SEC61A1: variants seen among roughly 807,000 people sequenced by gnomAD.
SEC61A1 encodes the protein protein transport protein Sec61 subunit alpha isoform 1.
In SEC61A1, 15 loss-of-function variants were observed where a neutral mutation model predicts 55.2. That is an observed-to-expected ratio of 0.27 (90% CI 0.18 to 0.42). SEC61A1 has a LOEUF of 0.42. SEC61A1 is among the 10% of genes least tolerant of loss of function. The pLI, the probability that SEC61A1 is intolerant of heterozygous loss-of-function variation, is 1.00. For missense variants in SEC61A1, 284 were observed against 602.6 expected, an observed-to-expected ratio of 0.47 and a Z score of 5.53; for synonymous variants, 247 against 234.0, an observed-to-expected ratio of 1.06 and a Z score of -0.51.
intron 4 of SEC61A1, among the ~76,000 whole-genome samples, chr3:128,056,341 G>C (rs1941770076): frequency 6.6e-6 from 1 of 152,080 alleles, no homozygotes; most frequent in South Asian, 2.1e-4. Context: ...AATTGTACAG[G>C]CTCCTTTTCC....
intron 5 of SEC61A1, among the ~76,000 whole-genome samples, chr3:128,058,165 A>C (rs539791968): frequency 6.7e-6 from 1 of 149,764 alleles, no homozygotes; most frequent in East Asian, 2.0e-4. Flanking sequence ...CAGGTCTTAA[A>C]TTAGTATGGT....
upstream of SEC61A1, chr3:128,052,296 G>A (rs927465321): frequency 1.0e-5 from 3 of 287,868 alleles, no homozygotes; most frequent in Admixed American, 1.2e-4. Flanking sequence ...GCATGCCGGG[G>A]CTTGAGGTCT....
chr3:128,057,344 C>G (rs1040772836), intron 5 of SEC61A1, among the ~76,000 whole-genome samples: 1 of 152,150 alleles, frequency 6.6e-6, no homozygotes, highest in South Asian at 2.1e-4. Context: ...GTGGTGGGTG[C>G]TGGGGATGGG....
rs1349917661 is a variant in SEC61A1 at position 128,069,868 on chromosome 3, G to GT, written c.*207dup. The GT allele has an allele frequency of 1.8e-6, 1 of 567,980 alleles. No individual in the cohort carries two copies. The highest frequency in any genetic ancestry group is 3.1e-6 in the Non-Finnish European group (1 of 322,140). The allele number at this position is 567,980 out of a possible 1,614,324, so 35.2% of individuals were successfully genotyped here. A position where few individuals can be genotyped will look rare whatever the true frequency, so the allele number is the denominator to read the frequency against. On this transcript the variant is annotated 3_prime_UTR_variant, in exon 12 of 12. Coordinates refer to ENST00000243253, the MANE Select transcript of SEC61A1 (RefSeq NM_013336.4). ...GGCACTGGCAAAAAGAACTGTGAAA[G>GT]TGAAATTTTATTCAGCCGACTGCCA...
intron 1 of SEC61A1, 76 bp downstream of exon 1, chr3:128,052,635 C>T: frequency 1.9e-6 from 3 of 1,552,968 alleles, no homozygotes; most frequent in Admixed American, 2.0e-5. Flanking sequence ...CGGTCGGGCG[C>T]CCGCCGGCCA....
At chr3:128,061,681 G>A (rs1289049415) in intron 7 of SEC61A1, among the ~76,000 whole-genome samples, 1 of 152,212 alleles carries the variant, frequency 6.6e-6, no homozygotes, top group Admixed American at 6.5e-5. Flanking sequence ...GCTTCCTTGA[G>A]TACTTTGTAT....
chr3:128,058,565 A>T (rs1941807636), intron 5 of SEC61A1, among the ~76,000 whole-genome samples: 1 of 152,176 alleles, frequency 6.6e-6, no homozygotes, highest in Non-Finnish European at 1.5e-5. Flanking sequence ...TTAGGATTCT[A>T]AAATACACAC....
chr3:128,069,832 C>A lies in SEC61A1; in HGVS notation c.*170C>A. Reference sequence around the variant, plus strand: ...AGACATTTTCCAATTTAAAATTTTGCTTTTTATCCTGGCACTGGCAAAAAG... The same window carrying A: ...AGACATTTTCCAATTTAAAATTTTGATTTTTATCCTGGCACTGGCAAAAAG... On this transcript the variant is annotated 3_prime_UTR_variant, in exon 12 of 12. Coordinates refer to ENST00000243253, the MANE Select transcript of SEC61A1 (RefSeq NM_013336.4). 1.5e-6 allele frequency: 1 copy of A among 662,228 alleles called. No homozygotes were observed. The highest frequency in any genetic ancestry group is 2.5e-6 in the Non-Finnish European group (1 of 401,884). The allele number at this position is 662,228 out of a possible 1,614,324, so 41.0% of individuals were successfully genotyped here.
In SEC61A1 at chr3:128,060,643, A is replaced by G; in HGVS notation, c.598A>G (p.Thr200Ala). The G allele has an allele frequency of 6.2e-7, 1 of 1,614,144 alleles. No homozygotes were observed. The highest frequency in any genetic ancestry group is 8.5e-7 in the Non-Finnish European group (1 of 1,180,036). Reference sequence around the variant, plus strand: ...CGTATGGAAGGCATTCAGCCCCACTACTGTCAACACTGGCCGAGGTAAGGG... The same window carrying G: ...CGTATGGAAGGCATTCAGCCCCACTGCTGTCAACACTGGCCGAGGTAAGGG... ...TIVWKAFSPT[T>A]VNTGRGMEFE... is the part of the protein sequence containing the mutation. Residue 200 changes from threonine (T) to alanine (A), a missense_variant, in exon 7 of 12, where the codon ACT (threonine) becomes GCT (alanine). By Grantham distance (58) the Thr-to-Ala change is moderately conservative (BLOSUM62 0). Transcript: ENST00000243253.
chr3:128,067,729 C>T lies in SEC61A1; in HGVS notation c.1167+117C>T. On this transcript the variant is annotated intron_variant, in intron 10 of 11. Coordinates refer to ENST00000243253, the MANE Select transcript of SEC61A1 (RefSeq NM_013336.4). The surrounding 1 kb of genome is among the most constrained non-coding windows in gnomAD (Gnocchi z 4.1). ...TGACGTGTGCAGATAGATCGTCGTC[C>T]TTTAGGGGGCAGTTCAGAAGCTTTA... 1 of 845,670 alleles carries T rather than the reference C, an allele frequency of 1.2e-6. No homozygotes were observed. The highest frequency in any genetic ancestry group is 1.8e-6 in the Non-Finnish European group (1 of 544,694). The allele number at this position is 845,670 out of a possible 1,614,324, so 52.4% of individuals were successfully genotyped here. A position where few individuals can be genotyped will look rare whatever the true frequency, so the allele number is the denominator to read the frequency against.
chr3:128,052,426 G>C, upstream of SEC61A1: 1 of 1,256,728 alleles, frequency 8.0e-7, no homozygotes, highest in Non-Finnish European at 1.0e-6. Context: ...GCTTGCCGCC[G>C]GGCTAGCACT....
At chr3:128,052,189 G>C (rs949614437), upstream of SEC61A1, among the ~76,000 whole-genome samples, 4 of 151,890 alleles carry the variant, frequency 2.6e-5, no homozygotes, top group African/African-American at 9.7e-5. Context: ...CCCTCCCCGC[G>C]CGCTCTCGCG....
intron 7 of SEC61A1, among the ~76,000 whole-genome samples, chr3:128,062,181 C>T (rs1941862053): frequency 6.6e-6 from 1 of 152,184 alleles, no homozygotes; most frequent in Admixed American, 6.5e-5. Flanking sequence ...ATGTCAGTTG[C>T]TCGTGTTTGG....
chr3:128,058,410 G>T (rs1360444151), intron 5 of SEC61A1, among the ~76,000 whole-genome samples: 1 of 151,938 alleles, frequency 6.6e-6, no homozygotes, highest in Non-Finnish European at 1.5e-5. Context: ...GGGTTTCACT[G>T]TGTTAGTCAG....
At chr3:128,056,088 A>G (rs1441659424) in intron 4 of SEC61A1, among the ~76,000 whole-genome samples, 3 of 152,210 alleles carry the variant, frequency 2.0e-5, no homozygotes, top group African/African-American at 4.8e-5. Context: ...AGAATATGTA[A>G]TTTGTTTTTC....
chr3:128,052,977 A>G (rs894108203), intron 2 of SEC61A1, 75 bp downstream of exon 2: 8 of 1,174,304 alleles, frequency 6.8e-6, no homozygotes, highest in Non-Finnish European at 1.0e-5. Flanking sequence ...GTATGATTAA[A>G]AATGGCTTCA....
In SEC61A1 at chr3:128,056,943, T is replaced by A. The variant is rs1013151639; in HGVS notation, c.352+103T>A. ...CTTTTTTTATTTATTTTTTATTTTT[T>A]TTTTTTTTTTTGAGATGGAGTCTTA... On this transcript the variant is annotated intron_variant, in intron 5 of 11. Coordinates refer to ENST00000243253, the MANE Select transcript of SEC61A1 (RefSeq NM_013336.4). The A allele has an allele frequency of 3.7e-4, 363 of 972,736 alleles. 1 individual carries two copies. The highest frequency in any genetic ancestry group is 1.2e-3 in the South Asian group (30 of 25,410). The allele number at this position is 972,736 out of a possible 1,614,324, so 60.3% of individuals were successfully genotyped here. A position where few individuals can be genotyped will look rare whatever the true frequency, so the allele number is the denominator to read the frequency against.
At position 128,052,464 on chromosome 3, in the gene SEC61A1, C is replaced by G. The variant is rs565525488; in HGVS notation, c.-89C>G. 11 of 1,527,458 alleles carry G rather than the reference C, an allele frequency of 7.2e-6. No individual in the cohort carries two copies. Among genetic ancestry groups the G allele is most frequent in the African/African-American group, 7.0e-5 (5 of 71,792 alleles). The allele number at this position is 1,527,458 out of a possible 1,614,324, so 94.6% of individuals were successfully genotyped here. Reference sequence around the variant, plus strand: ...CGTGTCTCTCGGCGGAGCTGCTGTGCAGTGGAACGCGCTGGGCCGCGGGCA... The same window carrying G: ...CGTGTCTCTCGGCGGAGCTGCTGTGGAGTGGAACGCGCTGGGCCGCGGGCA... On this transcript the variant is annotated 5_prime_UTR_variant, in exon 1 of 12. Transcript: ENST00000243253.
In SEC61A1 at chr3:128,055,589, C is replaced by T; in HGVS notation, c.141+8C>T. ...TTCTTAGTGTGCTGCCAGGTAAGCTCAGGCTTGTATTTCGTATTGGGGAGG... is the reference window on the plus strand; with the variant it reads ...TTCTTAGTGTGCTGCCAGGTAAGCTTAGGCTTGTATTTCGTATTGGGGAGG... On this transcript the variant is annotated splice_region_variant and intron_variant, in intron 3 of 11. Transcript: ENST00000243253. The T allele has an allele frequency of 1.9e-6, 3 of 1,613,046 alleles. No individual in the cohort carries two copies. The highest frequency in any genetic ancestry group is 3.3e-4 in the Middle Eastern group (2 of 6,060).
Sources: gnomAD v4.1 joint callset for allele counts (sites outside exome capture counted in the v4.1 genomes callset) on GRCh38, gnomAD v4.1.1 for gene constraint, Gnocchi (gnomAD v3.1) non-coding constraint, MANE v1.5 for transcripts, NCBI Gene and HGNC (gene_info 2026-07-23, HGNC 2026-07-21) for gene names.